Variants in DLGAP2 observed in about 807,000 individuals in gnomAD.
DLGAP2 encodes the protein DLG associated protein 2.
DLGAP2 carries 26 observed loss-of-function variants against 100.3 expected under a neutral mutation model. The observed-to-expected ratio is 0.26, with a 90% CI of 0.19 to 0.36. The LOEUF is 0.36. Ranked by LOEUF, DLGAP2 falls within the 10% of genes least tolerant of loss-of-function variation. DLGAP2 has a pLI of 1.00. For missense variants in DLGAP2, 1,858 were observed against 1,453.2 expected (o/e 1.28, Z -4.53); for synonymous variants, 886 against 630.1 (o/e 1.41, Z -6.08).
At chr8:835,756 T>A (rs1354654418) in intron 1 of DLGAP2, among the ~76,000 whole-genome samples, 1 of 152,228 alleles carries the variant, frequency 6.6e-6, no homozygotes, top group East Asian at 1.9e-4. Context: ...AGAGTATTTA[T>A]GGCTGTTAAT....
chr8:996,979 A>G (rs1308642554), intron 2 of DLGAP2, among the ~76,000 whole-genome samples: 1 of 152,222 alleles, frequency 6.6e-6, no homozygotes, highest in East Asian at 1.9e-4. Context: ...GAGGTACATT[A>G]ATCTTATCTC....
chr8:1,302,292 CGG>C lies in DLGAP2; in HGVS notation c.106+43410_106+43411del, dbSNP rs1800368710. ...CCGAGCTCTGCTCCACACCTGGGAC[CGG>C]ACTCGGAATTTTCTGTGAGTTCCCG... On this transcript the variant is annotated intron_variant, in intron 3 of 14. Coordinates refer to ENST00000637795, the MANE Select transcript of DLGAP2 (RefSeq NM_001346810.2). The C allele has an allele frequency of 2.6e-4, 20 of 77,138 alleles. 2 individuals carry two copies. The highest frequency in any genetic ancestry group is 1.4e-4 in the Admixed American group (1 of 7,002). 4.8% of individuals were successfully genotyped at this position (77,138 alleles called of 1,614,324 possible).
intron 3 of DLGAP2, among the ~76,000 whole-genome samples, chr8:1,455,527 A>C (rs78065691): frequency 0.016 from 2,503 of 152,270 alleles, 71 homozygotes; most frequent in African/African-American, 0.057. Flanking sequence ...TGAGAGGAGG[A>C]AGTCAGTCCG....
intron 3 of DLGAP2, among the ~76,000 whole-genome samples, chr8:1,468,047 G>C (rs910351760): frequency 1.3e-5 from 2 of 152,348 alleles, no homozygotes; most frequent in African/African-American, 4.8e-5. Flanking sequence ...GGGCGCTGTG[G>C]CTTGCATCTT....
At chr8:840,888 G>A (rs1796972267) in intron 1 of DLGAP2, among the ~76,000 whole-genome samples, 1 of 152,180 alleles carries the variant, frequency 6.6e-6, no homozygotes, top group South Asian at 2.1e-4. Context: ...TGGATCCAGA[G>A]ACTGGATCCC....
At chr8:961,581 C>G (rs1054662725) in intron 2 of DLGAP2, among the ~76,000 whole-genome samples, 4 of 152,064 alleles carry the variant, frequency 2.6e-5, no homozygotes, top group Admixed American at 1.3e-4. Context: ...AACAGTGGGA[C>G]CTGTCATTTC....
chr8:823,765 ACGGGGAGCTGT>A (rs1377257023), intron 1 of DLGAP2, among the ~76,000 whole-genome samples: 10 of 152,290 alleles, frequency 6.6e-5, no homozygotes, highest in Middle Eastern at 3.4e-3. Flanking sequence ...CATTCGCAGC[ACGGGGAGCTGT>A]CAGAAGTGCA....
chr8:1,103,280 C>G (rs1044244396), intron 2 of DLGAP2, among the ~76,000 whole-genome samples: 5 of 152,204 alleles, frequency 3.3e-5, no homozygotes, highest in African/African-American at 9.7e-5. Flanking sequence ...GTGGACCCAC[C>G]ATGCTGAAAC....
intron 2 of DLGAP2, among the ~76,000 whole-genome samples, chr8:1,174,271 C>A (rs1797201594): frequency 1.3e-5 from 2 of 151,730 alleles, no homozygotes; most frequent in Non-Finnish European, 2.9e-5. Flanking sequence ...TCACCACCAT[C>A]ACCACCATCA....
chr8:1,185,069 C>A (rs911732013), intron 2 of DLGAP2, among the ~76,000 whole-genome samples: 2 of 152,026 alleles, frequency 1.3e-5, no homozygotes, highest in Non-Finnish European at 2.9e-5. Context: ...AAAGGTCGGG[C>A]GAGGGTTCTG....
chr8:1,214,226 C>G (rs529296283), intron 2 of DLGAP2, among the ~76,000 whole-genome samples: 1 of 152,192 alleles, frequency 6.6e-6, no homozygotes, highest in Non-Finnish European at 1.5e-5. Flanking sequence ...TTTTAAATGC[C>G]CCTCCTCAGC....
chr8:1,082,214 G>C (rs926933345), intron 2 of DLGAP2, among the ~76,000 whole-genome samples: 2 of 152,146 alleles, frequency 1.3e-5, no homozygotes, highest in Admixed American at 1.3e-4. Context: ...CGAGTGGCAG[G>C]TGGAAAACCA....
chr8:801,843 G>T lies in DLGAP2; in HGVS notation c.18+64018G>T, dbSNP rs76514891. On this transcript the variant is annotated intron_variant, in intron 1 of 14. Transcript: ENST00000637795. ...CTCACTGCCCTTGCTCGCCACCCAG[G>T]TGGCTGTGCCCTTTCGTACCTGAGC... 6.8e-3 allele frequency among the ~76,000 whole-genome samples: 1,033 copies of T among 152,218 alleles called. 15 individuals carry two copies. The highest frequency in any genetic ancestry group is 0.024 in the African/African-American group (989 of 41,520).
Position 1,564,443 on chromosome 8 carries a change from A to G in DLGAP2, c.1231-1240A>G, listed in dbSNP as rs144494102. Among the ~76,000 whole-genome samples the G allele has an allele frequency of 3.0e-3, 464 of 152,308 alleles. 3 individuals carry two copies. Among genetic ancestry groups the G allele is most frequent in the African/African-American group, 0.01 (435 of 41,566 alleles). ...ACAGCAGGCAGCCTGTGGGGCCGTT[A>G]TGGGTGATATATAAAATGCACGTGG... On this transcript the variant is annotated intron_variant, in intron 5 of 14. Transcript: ENST00000637795.
At chr8:1,158,938 CTT>C (rs1300004910) in intron 2 of DLGAP2, among the ~76,000 whole-genome samples, 1 of 152,182 alleles carries the variant, frequency 6.6e-6, no homozygotes, top group East Asian at 1.9e-4. Context: ...TCAAAGGAAA[CTT>C]GCATGGACTG....
chr8:1,169,153 G>T (rs1038330581), intron 2 of DLGAP2, among the ~76,000 whole-genome samples: 5 of 151,540 alleles, frequency 3.3e-5, no homozygotes, highest in African/African-American at 9.7e-5. Context: ...TTTCCCCATT[G>T]CTTGTTTTTC....
intron 1 of DLGAP2, among the ~76,000 whole-genome samples, chr8:784,945 C>T (rs896701913): frequency 2.6e-5 from 4 of 151,746 alleles, no homozygotes; most frequent in Non-Finnish European, 4.4e-5. Context: ...CGGTGGCTCA[C>T]GCCTGTAATC....
intron 2 of DLGAP2, among the ~76,000 whole-genome samples, chr8:1,111,046 C>T (rs940585750): frequency 2.0e-5 from 3 of 152,212 alleles, no homozygotes; most frequent in Non-Finnish European, 2.9e-5. Flanking sequence ...GCTCCACACC[C>T]GTGTGCCACC....
chr8:1,415,341 G>T (rs1475403719), intron 3 of DLGAP2, among the ~76,000 whole-genome samples: 1 of 152,070 alleles, frequency 6.6e-6, no homozygotes, highest in African/African-American at 2.4e-5. Context: ...AGATCCGGGG[G>T]TACGTTGGCA....
Sources: allele counts gnomAD v4.1 joint callset (sites outside exome capture counted in the v4.1 genomes callset), GRCh38; gene constraint gnomAD v4.1.1; transcripts MANE v1.5; gene names NCBI Gene and HGNC (gene_info 2026-07-23, HGNC 2026-07-21).